FKBP15: variants seen among roughly 807,000 people sequenced by gnomAD.
The protein encoded by FKBP15 is FKBP prolyl isomerase family member 15.
Under a neutral mutation model 158.1 loss-of-function variants are expected in FKBP15, and 106 were observed. The observed-to-expected ratio is 0.67, with a 90% CI of 0.57 to 0.79. The LOEUF (loss-of-function observed/expected upper bound fraction) is 0.79, where lower values mean the gene tolerates loss of function less well. Ranked by LOEUF, FKBP15 falls within the 30% of genes least tolerant of loss-of-function variation. The pLI is 0.00. For synonymous variants in FKBP15, 547 were observed against 548.6 expected (o/e 1.00, Z 0.04); for missense variants, 1,287 against 1,479.1 (o/e 0.87, Z 2.13).
At chr9:113,196,906 A>G (rs180811774) in intron 9 of FKBP15, 26 bp downstream of exon 9, 1 of 1,610,456 alleles carries the variant, frequency 6.2e-7, no homozygotes, top group Admixed American at 1.7e-5. Context: ...GGACTCATCA[A>G]ACAAAACACA....
Position 113,197,078 on chromosome 9 carries a change from C to G in FKBP15, c.718G>C (p.Gly240Arg). Residue 240 changes from glycine (G) to arginine (R), a missense_variant and splice_region_variant, in exon 9 of 28, where the codon GGC becomes CGC. Transcript: ENST00000238256. ...ATGCCCAGCATTCCATCCTCCCAGC[C>G]CTTTAAAAATCAGATAGGAAAAGCT... ...LKLGSGKVIK[G>R]WEDGMLGMKK... 6.2e-7 allele frequency: 1 copy of G among 1,611,888 alleles called. No individual in the cohort carries two copies. Among genetic ancestry groups the G allele is most frequent in the Non-Finnish European group, 8.5e-7 (1 of 1,178,262 alleles).
intron 9 of FKBP15, among the ~76,000 whole-genome samples, chr9:113,195,138 A>G (rs1275828464): frequency 1.3e-5 from 2 of 152,196 alleles, no homozygotes; most frequent in African/African-American, 4.8e-5. Context: ...TTTATATCCT[A>G]CTGCTCAAGG....
chr9:113,212,800 T>C (rs1343855382), intron 1 of FKBP15, among the ~76,000 whole-genome samples: 1 of 152,214 alleles, frequency 6.6e-6, no homozygotes, highest in African/African-American at 2.4e-5. Context: ...ACTGTCTCTC[T>C]GTACTCATTT....
Position 113,191,297 on chromosome 9 carries a change from C to T in FKBP15, c.1066-719G>A, listed in dbSNP as rs1397094348. Among the ~76,000 whole-genome samples the T allele has an allele frequency of 2.0e-5, 3 of 152,086 alleles. No individual in the cohort carries two copies. The East Asian group carries it at 5.8e-4, about 29-fold the overall frequency. ...AAGACGTCTTCCCACCCCAGCCTCC[C>T]AAGTAGCTGGGACCACAGGCGCTAA... is the stretch of plus-strand genomic sequence containing the variant. On this transcript the variant is annotated intron_variant, in intron 11 of 27. Transcript: ENST00000238256.
chr9:113,196,357 A>G (rs181120415), intron 9 of FKBP15, among the ~76,000 whole-genome samples: 1 of 151,414 alleles, frequency 6.6e-6, no homozygotes, highest in East Asian at 1.9e-4. Flanking sequence ...TAGACAAAAT[A>G]AAAATCTTAG....
chr9:113,193,389 G>T (rs1830611190), intron 11 of FKBP15, 103 bp downstream of exon 11: 1 of 821,884 alleles, frequency 1.2e-6, no homozygotes, highest in Non-Finnish European at 1.9e-6. Context: ...TGCCTAGGCT[G>T]GTCTTGAACT....
rs1471357735 is a variant in FKBP15 at position 113,207,299 on chromosome 9, G to A, written c.170-3C>T. ...TGTTTTTGGTGTTGCCTGATTTCCT[G>A]AAGATGAACAAGAAAACAAAGTTGT... On this transcript the variant is annotated splice_polypyrimidine_tract_variant and splice_region_variant and intron_variant, in intron 2 of 27. Transcript: ENST00000238256. 1 of 1,609,908 alleles carries A rather than the reference G, an allele frequency of 6.2e-7. No homozygotes were observed.
intron 19 of FKBP15, among the ~76,000 whole-genome samples, chr9:113,179,568 G>A (rs530589180): frequency 3.4e-4 from 51 of 151,976 alleles, no homozygotes; most frequent in African/African-American, 1.2e-3. Flanking sequence ...GGCTGAGGCA[G>A]GAGAATCACT....
intron 23 of FKBP15, 125 bp downstream of exon 23, chr9:113,173,328 A>AGT (rs1323251912): frequency 2.1e-6 from 2 of 933,178 alleles, no homozygotes; most frequent in East Asian, 5.3e-5. Flanking sequence ...AAGCTAAACA[A>AGT]GTGTGGTTTT....
chr9:113,179,948 G>T (rs1468084436), intron 19 of FKBP15, among the ~76,000 whole-genome samples: 2 of 152,132 alleles, frequency 1.3e-5, no homozygotes, highest in East Asian at 3.9e-4. Flanking sequence ...ATATAGGAGT[G>T]GCTTTCATCT....
chr9:113,217,316 G>A (rs1270026056), intron 1 of FKBP15, among the ~76,000 whole-genome samples: 1 of 149,392 alleles, frequency 6.7e-6, no homozygotes, highest in Non-Finnish European at 1.5e-5. Context: ...AGATTCAAGC[G>A]ATTCTCCTAC....
At chr9:113,189,384 A>C (rs1830536907) in intron 12 of FKBP15, among the ~76,000 whole-genome samples, 1 of 152,194 alleles carries the variant, frequency 6.6e-6, no homozygotes. Context: ...TTTATGATAC[A>C]ACATTAGGTT....
chr9:113,166,145 C>A lies in FKBP15; in HGVS notation c.3593G>T (p.Gly1198Val). The A allele has an allele frequency of 6.2e-7, 1 of 1,612,958 alleles. No homozygotes were observed. The highest frequency in any genetic ancestry group is 8.5e-7 in the Non-Finnish European group (1 of 1,179,486). Residue 1198 changes from glycine to valine, a missense_variant, in exon 28 of 28, where the codon GGA becomes GTA. Coordinates refer to ENST00000238256, the MANE Select transcript of FKBP15 (RefSeq NM_015258.2). Reference sequence around the variant, plus strand: ...AAAAAGGGGCGTTGGGGGCGGGCGTCCCTTCATGCTCTGATAAAACAGGAA... The same window carrying A: ...AAAAAGGGGCGTTGGGGGCGGGCGTACCTTCATGCTCTGATAAAACAGGAA... ...EEDEDEVSMKGRPPPTPLFGD... is the reference protein window; with the variant it reads ...EEDEDEVSMKVRPPPTPLFGD...
At chr9:113,193,911 AT>A (rs1830622456) in intron 10 of FKBP15, 115 bp downstream of exon 10, 1 of 1,265,470 alleles carries the variant, frequency 7.9e-7, no homozygotes, top group Non-Finnish European at 1.0e-6. Flanking sequence ...CCCTGATCCC[AT>A]TTTTTCCAGT....
chr9:113,186,214 G>A, intron 15 of FKBP15, 35 bp downstream of exon 15: 1 of 1,428,938 alleles, frequency 7.0e-7, no homozygotes, highest in Non-Finnish European at 9.7e-7. Context: ...CACAGCAAGA[G>A]CGGAAGATGA....
chr9:113,172,866 C>A (rs1381387773), intron 23 of FKBP15, among the ~76,000 whole-genome samples: 2 of 152,158 alleles, frequency 1.3e-5, no homozygotes, highest in Non-Finnish European at 2.9e-5. Flanking sequence ...ACACCATGAC[C>A]CTAAGCCATG....
chr9:113,194,429 AT>A (rs1194949259), intron 9 of FKBP15, among the ~76,000 whole-genome samples: 1 of 141,644 alleles, frequency 7.1e-6, no homozygotes, highest in Non-Finnish European at 1.5e-5. Context: ...TAAAAAATAA[AT>A]AAATAAATAA....
At chr9:113,215,386 T>C (rs1185964745) in intron 1 of FKBP15, among the ~76,000 whole-genome samples, 1 of 140,134 alleles carries the variant, frequency 7.1e-6, no homozygotes, top group African/African-American at 2.7e-5. Flanking sequence ...AAAAAAAAAA[T>C]AGAGAACTGC....
rs763289391 is a variant in FKBP15, at chr9:113,170,619, A to C, written c.2669T>G (p.Ile890Ser). 2.5e-6 allele frequency: 4 copies of C among 1,612,662 alleles called. No individual in the cohort carries two copies. Among genetic ancestry groups the C allele is most frequent in the Non-Finnish European group, 3.4e-6 (4 of 1,178,810 alleles). ...TAAGGACTGGAACACCTGGTTCATG[A>C]TCTTCTTGACCTGTGTGAACATCAA... ...ASDPSEKVKK[I>S]MNQVFQSLRR... The change falls in exon 25 of 28, where the codon ATC (isoleucine) becomes AGC (serine). Residue 890 changes from isoleucine (I) to serine (S), a missense_variant. By Grantham distance (142) the Ile-to-Ser change is moderately radical (BLOSUM62 -2). Transcript: ENST00000238256.
Sources: gnomAD v4.1 joint callset for allele counts (sites outside exome capture counted in the v4.1 genomes callset) on GRCh38, gnomAD v4.1.1 for gene constraint, MANE v1.5 for transcripts, NCBI Gene and HGNC (gene_info 2026-07-23, HGNC 2026-07-21) for gene names.